Variants in RAP1GAP2 observed in about 807,000 individuals in gnomAD.
RAP1GAP2 encodes the protein rap1 GTPase-activating protein 2.
In RAP1GAP2, 27 loss-of-function variants were observed where a neutral mutation model predicts 95.0. That is an observed-to-expected ratio of 0.28 (90% confidence interval 0.21 to 0.39). RAP1GAP2 has a LOEUF of 0.39. Ranked by LOEUF, RAP1GAP2 falls within the 10% of genes least tolerant of loss-of-function variation. RAP1GAP2 has a pLI of 1.00. For synonymous variants in RAP1GAP2, 373 were observed against 380.9 expected, an observed-to-expected ratio of 0.98 and a Z score of 0.24; for missense variants, 771 against 970.0, an observed-to-expected ratio of 0.79 and a Z score of 2.72.
At chr17:2,980,492 G>A in intron 9 of RAP1GAP2, 127 bp downstream of exon 9, 1 of 908,902 alleles carries the variant, frequency 1.1e-6, no homozygotes, top group Non-Finnish European at 1.8e-6. Context: ...TTTACTCTTT[G>A]GCCATTGACT....
In RAP1GAP2 at chr17:2,836,793, A is replaced by G. The variant is rs138660592; in HGVS notation, c.80+36243A>G. 3.9e-5 allele frequency among the ~76,000 whole-genome samples: 6 copies of G among 152,268 alleles called. No individual in the cohort carries two copies. The East Asian group carries it at 7.7e-4, about 20-fold the overall frequency. ...TCACAGGCACCTCTCCCCACATGTT[A>G]TAAGGCAGCCACTGGCAGCTCTAGT... On this transcript the variant is annotated intron_variant, in intron 2 of 24. Coordinates refer to ENST00000254695, the MANE Select transcript of RAP1GAP2 (RefSeq NM_015085.5).
intron 2 of RAP1GAP2, among the ~76,000 whole-genome samples, chr17:2,895,780 A>G (rs1235474285): frequency 1.3e-5 from 2 of 152,060 alleles, no homozygotes; most frequent in African/African-American, 4.8e-5. Context: ...GCTTCACCAC[A>G]TTGGCCAGGC....
chr17:2,998,351 C>G lies in RAP1GAP2; in HGVS notation c.1175C>G (p.Pro392Arg). 6.2e-7 allele frequency: 1 copy of G among 1,613,996 alleles called. No homozygotes were observed. The highest frequency in any genetic ancestry group is 1.1e-5 in the South Asian group (1 of 91,080). ...TACATCGTCGTGCAGGTCGAGACCC[C>G]AGGCACAGAGACCCCATCCTACAAG... ...HAYIVVQVET[P>R]GTETPSYKVS... The change falls in exon 14 of 25, where the codon CCA becomes CGA. Residue 392 changes from proline (P) to arginine (R), a missense_variant. Pro to Arg is a moderately radical substitution (Grantham distance 103). Transcript: ENST00000254695.
intron 1 of RAP1GAP2, among the ~76,000 whole-genome samples, chr17:2,799,139 A>T (rs1051587061): frequency 2.6e-4 from 40 of 152,288 alleles, no homozygotes; most frequent in African/African-American, 9.4e-4. Context: ...TCTGGGTTGC[A>T]CGCGTTACAG....
intron 1 of RAP1GAP2, chr17:2,800,077 C>G: frequency 1.7e-6 from 1 of 594,808 alleles, no homozygotes; most frequent in Non-Finnish European, 2.1e-6. Flanking sequence ...AAGCAGACGC[C>G]TGGGAAATAT....
At chr17:2,912,507 C>G (rs897406935) in intron 3 of RAP1GAP2, among the ~76,000 whole-genome samples, 1 of 151,988 alleles carries the variant, frequency 6.6e-6, no homozygotes, top group Non-Finnish European at 1.5e-5. Context: ...GGAGGGTTGA[C>G]GGGAGCCTTT....
chr17:2,834,898 TA>T (rs1356079966), intron 2 of RAP1GAP2, among the ~76,000 whole-genome samples: 1 of 152,102 alleles, frequency 6.6e-6, no homozygotes. Flanking sequence ...TTATTTAAAT[TA>T]AAATAAATTA....
chr17:2,841,056 G>A (rs2071354307), intron 2 of RAP1GAP2, among the ~76,000 whole-genome samples: 1 of 151,740 alleles, frequency 6.6e-6, no homozygotes, highest in Admixed American at 6.6e-5. Flanking sequence ...TTGGGAAGCT[G>A]AGGCAGGAGA....
intron 3 of RAP1GAP2, among the ~76,000 whole-genome samples, chr17:2,946,687 C>T (rs939257579): frequency 6.6e-6 from 1 of 152,202 alleles, no homozygotes; most frequent in Admixed American, 6.5e-5. Flanking sequence ...CAGTGGTTCT[C>T]ACTTGGGAAC....
intron 2 of RAP1GAP2, among the ~76,000 whole-genome samples, chr17:2,844,934 TAGTC>T (rs1285370554): frequency 1.3e-5 from 2 of 152,264 alleles, no homozygotes; most frequent in Non-Finnish European, 2.9e-5. Flanking sequence ...GTTTTCTAGT[TAGTC>T]AGGCGTGTGA....
Position 3,036,821 on chromosome 17 carries a change from G to C in RAP1GAP2, c.*3460G>C, listed in dbSNP as rs1476000719. ...CCGTGACAAGGCAGGACAAGAGCCT[G>C]TTTCGCTTTCCTCCCTGACCCTGCC... On this transcript the variant is annotated 3_prime_UTR_variant, in exon 25 of 25. Transcript: ENST00000254695. 6.6e-6 allele frequency: 1 copy of C among 152,668 alleles called. No individual in the cohort carries two copies. Among genetic ancestry groups the C allele is most frequent in the Non-Finnish European group, 1.5e-5 (1 of 68,052 alleles). 9.5% of individuals were successfully genotyped at this position (152,668 alleles called of 1,614,324 possible).
chr17:2,920,876 C>G (rs1037646169), intron 3 of RAP1GAP2, among the ~76,000 whole-genome samples: 1 of 152,190 alleles, frequency 6.6e-6, no homozygotes, highest in Non-Finnish European at 1.5e-5. Flanking sequence ...CCACCCACCC[C>G]CATCCGCTAC....
intron 8 of RAP1GAP2, among the ~76,000 whole-genome samples, chr17:2,972,039 T>A (rs2044886995): frequency 6.6e-6 from 1 of 152,220 alleles, no homozygotes; most frequent in Non-Finnish European, 1.5e-5. Flanking sequence ...GTTCAACTCA[T>A]GCTATTAAAT....
At chr17:2,886,196 G>T (rs1283633763) in intron 2 of RAP1GAP2, among the ~76,000 whole-genome samples, 2 of 143,472 alleles carry the variant, frequency 1.4e-5, no homozygotes, top group Non-Finnish European at 3.0e-5. Flanking sequence ...TTTTTGAGCC[G>T]GAGTCTCGCT....
In RAP1GAP2 at chr17:3,005,423, C is replaced by G; in HGVS notation, c.1255C>G (p.Pro419Ala). ...CACCTTTGGTCCACCTCTGCCCAGT[C>G]CCCCCGTTTTCCAGAAGGTAGGACA... Reference protein sequence around the residue: ...VPTFGPPLPSPPVFQKGPEFR... With the variant: ...VPTFGPPLPSAPVFQKGPEFR... Residue 419 changes from proline to alanine, a missense_variant, in exon 15 of 25, where the codon CCC becomes GCC. Transcript: ENST00000254695. This position sits in a 1 kb window ranked among gnomAD's most constrained non-coding sequence, Gnocchi z 5.2. 2 of 1,613,188 alleles carry G rather than the reference C, an allele frequency of 1.2e-6. No homozygotes were observed. Among genetic ancestry groups the G allele is most frequent in the Non-Finnish European group, 1.7e-6 (2 of 1,179,196 alleles).
In RAP1GAP2 at chr17:3,033,764, A is replaced by T. The variant is rs1302250688; in HGVS notation, c.*403A>T. On this transcript the variant is annotated 3_prime_UTR_variant, in exon 25 of 25. Coordinates refer to ENST00000254695, the MANE Select transcript of RAP1GAP2 (RefSeq NM_015085.5). This position sits in a 1 kb window ranked among gnomAD's most constrained non-coding sequence, Gnocchi z 4.9. ...GAGACAGAGTAGGGGGTGGGAGCAG[A>T]GCCTCGGTGAGGGTCTTGGCCACAG... The T allele has an allele frequency of 6.6e-6, 1 of 152,208 alleles. No individual in the cohort carries two copies. The highest frequency in any genetic ancestry group is 1.5e-5 in the Non-Finnish European group (1 of 68,120). 9.4% of individuals were successfully genotyped at this position (152,208 alleles called of 1,614,324 possible).
rs1385394665 is a variant in RAP1GAP2, at chr17:2,968,869, G to A, written c.596+3226G>A. On this transcript the variant is annotated intron_variant, in intron 8 of 24. Transcript: ENST00000254695. ...GAAAAGTCAAATACAAAAAGAAAGC[G>A]GGATTGGCAATATTAATATAGAAAA... 5.3e-5 allele frequency among the ~76,000 whole-genome samples: 8 copies of A among 151,822 alleles called. No individual in the cohort carries two copies. The South Asian group carries it at 8.3e-4, about 16-fold the overall frequency.
intron 11 of RAP1GAP2, among the ~76,000 whole-genome samples, chr17:2,988,257 T>C (rs569527846): frequency 6.6e-6 from 1 of 152,150 alleles, no homozygotes; most frequent in East Asian, 1.9e-4. Flanking sequence ...TATTTGTAGA[T>C]TCACATAGAG....
At chr17:2,860,867 A>G (rs2151618145) in intron 2 of RAP1GAP2, among the ~76,000 whole-genome samples, 1 of 152,046 alleles carries the variant, frequency 6.6e-6, no homozygotes, top group African/African-American at 2.4e-5. Flanking sequence ...CAGTCTCCCA[A>G]ACTGTTGGAA....
Sources: gnomAD v4.1 joint callset for allele counts (sites outside exome capture counted in the v4.1 genomes callset) on GRCh38, gnomAD v4.1.1 for gene constraint, Gnocchi (gnomAD v3.1) non-coding constraint, MANE v1.5 for transcripts, NCBI Gene and HGNC (gene_info 2026-07-23, HGNC 2026-07-21) for gene names.